The following RBP7 variants were observed in gnomAD, a reference collection of about 807,000 sequenced individuals.
RBP7 encodes retinoid-binding protein 7.
In RBP7, 13 loss-of-function variants were observed where a neutral mutation model predicts 16.7. The ratio of observed to expected loss-of-function variants is 0.78; its 90% CI spans 0.51 to 1.24. RBP7 has a LOEUF of 1.24. Ranked by LOEUF, RBP7 falls within the 50% of genes most tolerant of loss-of-function variation. The pLI is 0.00. For missense variants in RBP7, 145 were observed against 159.5 expected (o/e 0.91, Z 0.49); for synonymous variants, 54 against 56.2 (o/e 0.96, Z 0.17).
chr1:10,007,289 G>A (rs1642474493), intron 1 of RBP7: 7 of 362,484 alleles, frequency 1.9e-5, no homozygotes, highest in Non-Finnish European at 3.1e-5. Context: ...TTGCTATGTT[G>A]CCCAGGCTGG....
At chr1:10,005,019 T>C (rs1642404124) in intron 1 of RBP7, among the ~76,000 whole-genome samples, 1 of 152,060 alleles carries the variant, frequency 6.6e-6, no homozygotes, top group Non-Finnish European at 1.5e-5. Context: ...TAGGAAGTGA[T>C]TTTAAGGTTT....
At chr1:10,006,755 A>G (rs895483725) in intron 1 of RBP7, among the ~76,000 whole-genome samples, 11 of 147,320 alleles carry the variant, frequency 7.5e-5, no homozygotes, top group East Asian at 5.9e-4. Flanking sequence ...GTGTGTGTAT[A>G]TATATATATA....
rs1346504221 is a variant in RBP7 at position 9,997,938 on chromosome 1, C to T, written c.73+607C>T. On this transcript the variant is annotated intron_variant, in intron 1 of 3. Coordinates refer to ENST00000294435, the MANE Select transcript of RBP7 (RefSeq NM_052960.3). This position sits in a 1 kb window ranked among gnomAD's most constrained non-coding sequence, Gnocchi z 5.9. ...GCGGGAGTGCAGAGCCTGGTTCGGC[C>T]CGGGGCGTGCCCCGACCGCCGCCTC... 2.0e-5 allele frequency among the ~76,000 whole-genome samples: 3 copies of T among 152,076 alleles called. No individual in the cohort carries two copies. Among genetic ancestry groups the T allele is most frequent in the Non-Finnish European group, 4.4e-5 (3 of 67,980 alleles).
rs1642764108 is a variant in RBP7, at chr1:10,015,913, C to T, written c.*81C>T. 1 of 1,375,456 alleles carries T rather than the reference C, an allele frequency of 7.3e-7. No homozygotes were observed. 85.2% of individuals were successfully genotyped at this position (1,375,456 alleles called of 1,614,324 possible). ...GCAGACTGAACAGACGTTTATCTAT[C>T]CCATTTGGCGACGAGGACTCGTGGC... is the stretch of plus-strand genomic sequence containing the variant. On this transcript the variant is annotated 3_prime_UTR_variant, in exon 4 of 4. Transcript: ENST00000294435.
intron 1 of RBP7, among the ~76,000 whole-genome samples, chr1:10,005,746 A>G (rs1642424992): frequency 6.6e-6 from 1 of 151,478 alleles, no homozygotes; most frequent in Non-Finnish European, 1.5e-5. Context: ...GTTTTTCAGT[A>G]GAGATGGGGT....
At chr1:10,013,074 AT>A (rs537432311) in intron 3 of RBP7, among the ~76,000 whole-genome samples, 3,455 of 137,488 alleles carry the variant, frequency 0.025, 70 homozygotes, top group African/African-American at 0.056. Context: ...ACTTACCATG[AT>A]TTTTTTTTTT....
At chr1:10,007,486 G>T (rs550619564) in intron 1 of RBP7, 84 bp from the exon 2 acceptor site, 45 of 952,658 alleles carry the variant, frequency 4.7e-5, no homozygotes, top group Middle Eastern at 4.4e-4. Flanking sequence ...ACAATTACAT[G>T]TGGTGATTTT....
At chr1:10,012,271 C>G (rs1456746186) in intron 3 of RBP7, among the ~76,000 whole-genome samples, 1 of 148,728 alleles carries the variant, frequency 6.7e-6, no homozygotes, top group Non-Finnish European at 1.5e-5. Context: ...ATCCCAGCTA[C>G]TCAGGAGGCT....
At chr1:10,010,864 G>A (rs576916501) in intron 3 of RBP7, among the ~76,000 whole-genome samples, 29 of 152,246 alleles carry the variant, frequency 1.9e-4, no homozygotes, top group Admixed American at 7.9e-4. Flanking sequence ...GATTATAGGT[G>A]TAAGCCAGCA....
At chr1:10,005,375 A>AT (rs1442162767) in intron 1 of RBP7, among the ~76,000 whole-genome samples, 3 of 150,126 alleles carry the variant, frequency 2.0e-5, no homozygotes, top group Non-Finnish European at 3.0e-5. Flanking sequence ...AGCTGTTTTT[A>AT]TTTTTTTATA....
At chr1:10,010,648 G>A (rs972195505) in intron 3 of RBP7, among the ~76,000 whole-genome samples, 2 of 148,372 alleles carry the variant, frequency 1.3e-5, no homozygotes, top group South Asian at 2.1e-4. Flanking sequence ...ACAATGGTGC[G>A]ATCTCGGCTC....
intron 1 of RBP7, among the ~76,000 whole-genome samples, chr1:10,003,380 G>A (rs1321557293): frequency 2.0e-5 from 3 of 152,120 alleles, no homozygotes; most frequent in East Asian, 1.9e-4. Context: ...AGCCAAGATC[G>A]TGCTGCCATT....
intron 3 of RBP7, among the ~76,000 whole-genome samples, chr1:10,011,124 T>C (rs982587514): frequency 1.1e-4 from 17 of 152,216 alleles, no homozygotes; most frequent in Admixed American, 6.6e-5. Flanking sequence ...TTTTTTCCTT[T>C]TTCTTTCCAG....
intron 1 of RBP7, among the ~76,000 whole-genome samples, 181 bp from the exon 2 acceptor site, chr1:10,007,389 C>G (rs1194269025): frequency 6.6e-6 from 1 of 152,060 alleles, no homozygotes; most frequent in Non-Finnish European, 1.5e-5. Context: ...ACTTTTTAAT[C>G]AGGCTGTGGT....
At position 10,012,804 on chromosome 1, in the gene RBP7, G is replaced by A. The variant is rs1490083103; in HGVS notation, c.355-2978G>A. ...CAAAAATTAGCCTGGTGTGGTGGCA[G>A]GCACTTGTAATCCCAGCTACTCGGG... On this transcript the variant is annotated intron_variant, in intron 3 of 3. Coordinates refer to ENST00000294435, the MANE Select transcript of RBP7 (RefSeq NM_052960.3). 2.0e-5 allele frequency among the ~76,000 whole-genome samples: 3 copies of A among 151,450 alleles called. No homozygotes were observed. The East Asian group carries it at 5.9e-4, about 30-fold the overall frequency.
intron 3 of RBP7, 104 bp from the exon 4 acceptor site, chr1:10,015,678 A>G (rs965627625): frequency 1.2e-5 from 12 of 1,002,494 alleles, no homozygotes; most frequent in East Asian, 2.4e-5. Flanking sequence ...AGAAAAAAAC[A>G]TGTTCCAGAA....
intron 3 of RBP7, among the ~76,000 whole-genome samples, chr1:10,011,572 C>G (rs1276075687): frequency 2.6e-5 from 4 of 152,180 alleles, no homozygotes; most frequent in African/African-American, 9.6e-5. Context: ...AAATACAGGT[C>G]TGACAAGAAT....
intron 1 of RBP7, among the ~76,000 whole-genome samples, chr1:10,006,760 T>TAG (rs1218331363): frequency 6.7e-4 from 99 of 148,342 alleles, no homozygotes; most frequent in African/African-American, 1.4e-3. Flanking sequence ...TGTATATATA[T>TAG]ATATAGAGAG....
At chr1:10,011,045 G>A (rs77982861) in intron 3 of RBP7, among the ~76,000 whole-genome samples, 3,894 of 152,088 alleles carry the variant, frequency 0.026, 158 homozygotes, top group African/African-American at 0.089. Context: ...AAGAAATTTC[G>A]CAGGATTACA....
Sources: allele counts gnomAD v4.1 joint callset (sites outside exome capture counted in the v4.1 genomes callset), GRCh38; gene constraint gnomAD v4.1.1; non-coding constraint Gnocchi (gnomAD v3.1); transcripts MANE v1.5; gene names NCBI Gene and HGNC (gene_info 2026-07-23, HGNC 2026-07-21).